Variants in LPP observed in about 807,000 individuals in gnomAD.
LPP encodes LIM domain containing preferred translocation partner in lipoma, also known as lipoma-preferred partner.
LPP carries 38 observed loss-of-function variants against 60.4 expected under a neutral mutation model. The observed-to-expected ratio is 0.63, with a 90% CI of 0.49 to 0.83. The LOEUF (loss-of-function observed/expected upper bound fraction) is 0.83, where lower values mean the gene tolerates loss of function less well. LPP is among the 40% of genes least tolerant of loss of function. The pLI is 0.00. For synonymous variants in LPP, 328 were observed against 290.8 expected (o/e 1.13, Z -1.30); for missense variants, 902 against 783.6 (o/e 1.15, Z -1.80).
intron 9 of LPP, among the ~76,000 whole-genome samples, chr3:188,772,418 C>G (rs1325711416): frequency 6.6e-6 from 1 of 152,210 alleles, no homozygotes; most frequent in Non-Finnish European, 1.5e-5. Flanking sequence ...TCACTGGCAT[C>G]CTTGACACAC....
Position 188,728,529 on chromosome 3 carries a change from A to C in LPP, c.1240+20136A>C, listed in dbSNP as rs147446074. Among the ~76,000 whole-genome samples, 22 of 152,346 alleles carry C rather than the reference A, an allele frequency of 1.4e-4. No individual in the cohort carries two copies. The East Asian group carries it at 3.9e-3, about 27-fold the overall frequency. The stretch of plus-strand genomic sequence containing the variant: ...CAGTTGACCAAGAGATAATAAGCTT[A>C]TTATATTATGCAGATCTATACCTAT... On this transcript the variant is annotated intron_variant, in intron 8 of 11. Transcript: ENST00000617246.
chr3:188,546,894 C>A (rs1046792748), intron 6 of LPP, among the ~76,000 whole-genome samples: 6 of 152,190 alleles, frequency 3.9e-5, no homozygotes, highest in African/African-American at 1.4e-4. Flanking sequence ...TAAGCCCCTA[C>A]TGAATGCAGG....
intron 2 of LPP, among the ~76,000 whole-genome samples, chr3:188,301,980 G>GAA (rs11429776): frequency 1.2e-4 from 18 of 144,660 alleles, no homozygotes; most frequent in African/African-American, 4.0e-4. Flanking sequence ...TAAAAAAAAA[G>GAA]AAAAAAAAAA....
chr3:188,421,824 G>A (rs539525457), intron 4 of LPP, among the ~76,000 whole-genome samples: 2 of 152,210 alleles, frequency 1.3e-5, no homozygotes, highest in Non-Finnish European at 2.9e-5. Context: ...TTATAAACAT[G>A]TCCGGTAAAA....
chr3:188,310,931 A>G (rs1168347258), intron 2 of LPP, among the ~76,000 whole-genome samples: 1 of 152,154 alleles, frequency 6.6e-6, no homozygotes, highest in Non-Finnish European at 1.5e-5. Context: ...ATTATAAGTT[A>G]TCTTATTTAA....
chr3:188,479,521 T>C (rs752007063), intron 4 of LPP, among the ~76,000 whole-genome samples: 15 of 152,164 alleles, frequency 9.9e-5, no homozygotes, highest in Admixed American at 4.6e-4. Context: ...AGTTAAGGAA[T>C]TGAATGGGTT....
At chr3:188,764,085 C>CTAA (rs1733264893) in intron 9 of LPP, among the ~76,000 whole-genome samples, 2 of 151,968 alleles carry the variant, frequency 1.3e-5, no homozygotes, top group African/African-American at 4.8e-5. Flanking sequence ...CAATGAGATG[C>CTAA]TTTTCTTCTT....
At chr3:188,691,418 G>A (rs1156428896) in intron 7 of LPP, among the ~76,000 whole-genome samples, 1 of 152,206 alleles carries the variant, frequency 6.6e-6, no homozygotes, top group Non-Finnish European at 1.5e-5. Flanking sequence ...TCAAGATGCA[G>A]GGTGGATGAA....
At chr3:188,800,487 C>T (rs551193224) in intron 9 of LPP, among the ~76,000 whole-genome samples, 53 of 152,100 alleles carry the variant, frequency 3.5e-4, no homozygotes, top group South Asian at 1.0e-3. Flanking sequence ...CCTCGTGATC[C>T]GCCCACCTTG....
chr3:188,347,757 G>A (rs1019746680), intron 3 of LPP, among the ~76,000 whole-genome samples: 1 of 152,222 alleles, frequency 6.6e-6, no homozygotes, highest in Non-Finnish European at 1.5e-5. Context: ...ATGACCCACT[G>A]TGAGTGTGTG....
At chr3:188,825,354 A>G (rs1323288322) in intron 9 of LPP, among the ~76,000 whole-genome samples, 1 of 149,056 alleles carries the variant, frequency 6.7e-6, no homozygotes, top group Non-Finnish European at 1.5e-5. Context: ...AAGCTGTCAC[A>G]GCACAGAAGT....
chr3:188,562,283 TTA>T (rs950122811), intron 6 of LPP: 1 of 152,036 alleles, frequency 6.6e-6, no homozygotes, highest in Non-Finnish European at 1.5e-5. Flanking sequence ...CATTTTCAGT[TTA>T]ACAGTTTATC....
At chr3:188,297,327 T>A (rs1462003338) in intron 2 of LPP, among the ~76,000 whole-genome samples, 1 of 152,178 alleles carries the variant, frequency 6.6e-6, no homozygotes, top group Non-Finnish European at 1.5e-5. Context: ...AATTTCAGAC[T>A]CCTTCCCTCC....
chr3:188,288,519 C>T (rs1280233457), intron 2 of LPP, among the ~76,000 whole-genome samples: 5 of 51,376 alleles, frequency 9.7e-5, no homozygotes, highest in African/African-American at 2.5e-4. Flanking sequence ...CAGCATTGCT[C>T]CCCTTCACGT....
Position 188,760,259 on chromosome 3 carries a change from G to A in LPP, c.1387G>A (p.Ala463Thr), listed in dbSNP as rs141444221. The A allele has an allele frequency of 1.7e-4, 279 of 1,614,006 alleles. No individual in the cohort carries two copies. The highest frequency in any genetic ancestry group is 1.8e-4 in the Non-Finnish European group (213 of 1,180,014). The change falls in exon 9 of 12, where the codon GCA (alanine) becomes ACA (threonine). Residue 463 changes from alanine (A) to threonine (T), a missense_variant. Transcript: ENST00000617246. ...GCCATTCTATGCTGTGGAAAAGAAA[G>A]CATACTGCGAGCCCTGCTACATTGT... The part of the protein sequence containing the change: ...GQPFYAVEKK[A>T]YCEPCYINTL...
At chr3:188,247,767 C>T (rs893827833) in intron 2 of LPP, among the ~76,000 whole-genome samples, 5 of 150,288 alleles carry the variant, frequency 3.3e-5, no homozygotes, top group African/African-American at 1.2e-4. Flanking sequence ...CCATTGCACT[C>T]CAGGCTGGGC....
intron 3 of LPP, among the ~76,000 whole-genome samples, chr3:188,372,859 C>A (rs1450201935): frequency 6.6e-6 from 1 of 151,994 alleles, no homozygotes; most frequent in Non-Finnish European, 1.5e-5. Flanking sequence ...CCTCCCACCT[C>A]CCCTAACCCC....
At chr3:188,745,016 A>C (rs1289318292) in intron 8 of LPP, among the ~76,000 whole-genome samples, 2 of 151,956 alleles carry the variant, frequency 1.3e-5, no homozygotes, top group East Asian at 3.9e-4. Context: ...GAACAGGGTA[A>C]ACTGTTCTCC....
At chr3:188,636,562 A>C (rs1473928994) in intron 7 of LPP, among the ~76,000 whole-genome samples, 1 of 152,202 alleles carries the variant, frequency 6.6e-6, no homozygotes. Flanking sequence ...CCACAGCTCA[A>C]GGAAGCCTGC....
Sources: allele counts gnomAD v4.1 joint callset (sites outside exome capture counted in the v4.1 genomes callset), GRCh38; gene constraint gnomAD v4.1.1; transcripts MANE v1.5; gene names NCBI Gene and HGNC (gene_info 2026-07-23, HGNC 2026-07-21).